The following DNER variants were observed in gnomAD, a reference collection of about 807,000 sequenced individuals.
The protein encoded by DNER is delta/notch like EGF repeat containing.
Under a neutral mutation model 78.2 loss-of-function variants are expected in DNER, and 33 were observed. That is an observed-to-expected ratio of 0.42 (90% CI 0.32 to 0.56). The LOEUF (loss-of-function observed/expected upper bound fraction) is 0.56, where lower values mean the gene tolerates loss of function less well. Among genes scored for constraint, DNER ranks in the 20% least tolerant of loss-of-function variants. The pLI, the probability that DNER is intolerant of heterozygous loss-of-function variation, is 0.11. For synonymous variants in DNER, 417 were observed against 384.8 expected (o/e 1.08, Z -0.98); for missense variants, 918 against 975.3 (o/e 0.94, Z 0.78).
intron 2 of DNER, 24 bp from the exon 3 acceptor site, chr2:229,588,512 CAT>C (rs1258550553): frequency 1.3e-6 from 2 of 1,534,764 alleles, no homozygotes; most frequent in Non-Finnish European, 1.8e-6. Flanking sequence ...AAAAAAACGA[CAT>C]ATGATTGGGG....
intron 7 of DNER, among the ~76,000 whole-genome samples, chr2:229,452,335 A>C (rs544639868): frequency 6.6e-6 from 1 of 152,338 alleles, no homozygotes; most frequent in East Asian, 1.9e-4. Flanking sequence ...CTGTAGAAGA[A>C]TGGAAGAGAC....
At chr2:229,446,549 T>C (rs1467692171) in intron 8 of DNER, among the ~76,000 whole-genome samples, 1 of 152,130 alleles carries the variant, frequency 6.6e-6, no homozygotes, top group Non-Finnish European at 1.5e-5. Context: ...GTGTGGGGAT[T>C]CATTGTGCTG....
chr2:229,643,209 CCT>C (rs1001995357), intron 1 of DNER, among the ~76,000 whole-genome samples: 2 of 151,804 alleles, frequency 1.3e-5, no homozygotes, highest in African/African-American at 4.8e-5. Flanking sequence ...AGAGTGAGCC[CCT>C]GTCTCAAAAA....
intron 6 of DNER, among the ~76,000 whole-genome samples, chr2:229,510,640 T>C (rs952154122): frequency 6.6e-6 from 1 of 152,070 alleles, no homozygotes; most frequent in Non-Finnish European, 1.5e-5. Flanking sequence ...TAGAAATGGA[T>C]GGAACGCTGG....
At position 229,447,554 on chromosome 2, in the gene DNER, C is replaced by T. The variant is rs1018873804; in HGVS notation, c.1262-14G>A. 1.6e-5 allele frequency: 25 copies of T among 1,610,790 alleles called. No homozygotes were observed. The highest frequency in any genetic ancestry group is 2.0e-5 in the Non-Finnish European group (24 of 1,178,120). On this transcript the variant is annotated splice_polypyrimidine_tract_variant and intron_variant, in intron 7 of 12. Transcript: ENST00000341772. ...ATCCGAAGTATCCTGTGAAAAAACA[C>T]ATGAGAGCTTAAAAAAACTAAAACA...
intron 8 of DNER, among the ~76,000 whole-genome samples, chr2:229,433,626 C>T (rs2106356317): frequency 6.6e-6 from 1 of 152,254 alleles, no homozygotes; most frequent in South Asian, 2.1e-4. Flanking sequence ...GGCAATTTTT[C>T]CCACATCTCT....
intron 1 of DNER, among the ~76,000 whole-genome samples, chr2:229,593,627 T>G (rs1350506372): frequency 6.6e-6 from 1 of 152,238 alleles, no homozygotes; most frequent in Admixed American, 6.5e-5. Context: ...TATGATAGAT[T>G]GATCAACATT....
At chr2:229,361,183 T>C (rs1376673845) in intron 12 of DNER, among the ~76,000 whole-genome samples, 3 of 152,150 alleles carry the variant, frequency 2.0e-5, no homozygotes, top group South Asian at 4.2e-4. Flanking sequence ...GGTAAACGAA[T>C]GTGCATTCAT....
At chr2:229,616,847 C>G (rs1032166251) in intron 1 of DNER, among the ~76,000 whole-genome samples, 8 of 152,218 alleles carry the variant, frequency 5.3e-5, no homozygotes, top group African/African-American at 1.9e-4. Flanking sequence ...TGGTGTTTAT[C>G]TGGACACGTG....
chr2:229,676,979 C>T (rs1574559306), intron 1 of DNER, among the ~76,000 whole-genome samples: 1 of 152,150 alleles, frequency 6.6e-6, no homozygotes, highest in Non-Finnish European at 1.5e-5. Flanking sequence ...ACCTCGATGC[C>T]GGCTCACTTA....
intron 4 of DNER, among the ~76,000 whole-genome samples, chr2:229,548,716 C>T (rs1317466299): frequency 6.6e-6 from 1 of 152,072 alleles, no homozygotes; most frequent in Non-Finnish European, 1.5e-5. Context: ...ACGTTCTGCA[C>T]ATGTAACCCA....
intron 4 of DNER, among the ~76,000 whole-genome samples, chr2:229,549,805 A>C (rs1050883506): frequency 5.3e-5 from 8 of 151,490 alleles, no homozygotes; most frequent in Middle Eastern, 3.4e-3. Context: ...CAGGTACTCG[A>C]GAGGCTGAGG....
intron 5 of DNER, among the ~76,000 whole-genome samples, chr2:229,543,629 AGATC>A (rs1490843885): frequency 6.6e-6 from 1 of 152,090 alleles, no homozygotes; most frequent in Non-Finnish European, 1.5e-5. Context: ...GCCTGGGGGA[AGATC>A]TGTGTGTCTC....
intron 1 of DNER, among the ~76,000 whole-genome samples, chr2:229,656,110 A>C (rs573284143): frequency 5.9e-5 from 9 of 152,164 alleles, no homozygotes; most frequent in Non-Finnish European, 1.0e-4. Context: ...GCGTGTGATA[A>C]TGTATTACTG....
At chr2:229,695,550 T>G (rs540647977) in intron 1 of DNER, among the ~76,000 whole-genome samples, 85 of 151,176 alleles carry the variant, frequency 5.6e-4, no homozygotes, top group African/African-American at 2.0e-3. Context: ...GACATTCATC[T>G]CTTTCACCTT....
At chr2:229,481,177 G>A (rs1278883105) in intron 6 of DNER, among the ~76,000 whole-genome samples, 2 of 152,152 alleles carry the variant, frequency 1.3e-5, no homozygotes, top group South Asian at 2.1e-4. Context: ...TGCTTGGTGC[G>A]AGCGTTTCCC....
Position 229,714,177 on chromosome 2 carries a change from G to T in DNER, c.247C>A (p.Pro83Thr). Residue 83 changes from proline to threonine, a missense_variant, in exon 1 of 13, where the codon CCC (proline) becomes ACC (threonine). Pro to Thr is a conservative substitution (Grantham distance 38, BLOSUM62 -1). Coordinates refer to ENST00000341772, the MANE Select transcript of DNER (RefSeq NM_139072.4). The part of the protein sequence containing the change: ...AGEPGYSCTC[P>T]AGISGANCQL... ...CAGTTGGCGCCGGAGATCCCGGCGG[G>T]GCAGGTGCAGCTGTAGCCAGGCTCG... 1 of 1,340,948 alleles carries T rather than the reference G, an allele frequency of 7.5e-7. No individual in the cohort carries two copies. The highest frequency in any genetic ancestry group is 9.5e-7 in the Non-Finnish European group (1 of 1,051,488). The allele number at this position is 1,340,948 out of a possible 1,614,324, so 83.1% of individuals were successfully genotyped here. A position where few individuals can be genotyped will look rare whatever the true frequency, so the allele number is the denominator to read the frequency against.
chr2:229,605,980 C>A (rs1294292537), intron 1 of DNER, among the ~76,000 whole-genome samples: 8 of 152,152 alleles, frequency 5.3e-5, no homozygotes, highest in Non-Finnish European at 1.0e-4. Context: ...GAAAATTTCA[C>A]CATTCAAGAT....
intron 8 of DNER, among the ~76,000 whole-genome samples, chr2:229,420,508 A>T (rs1324944656): frequency 2.0e-5 from 3 of 152,160 alleles, no homozygotes; most frequent in African/African-American, 7.2e-5. Flanking sequence ...GGCCAATGTT[A>T]TGAAGTTTTT....
Sources: gnomAD v4.1 joint callset for allele counts (sites outside exome capture counted in the v4.1 genomes callset) on GRCh38, gnomAD v4.1.1 for gene constraint, MANE v1.5 for transcripts, NCBI Gene and HGNC (gene_info 2026-07-23, HGNC 2026-07-21) for gene names.